The following PIGP variants were observed in gnomAD, a reference collection of about 807,000 sequenced individuals.
PIGP encodes the protein phosphatidylinositol N-acetylglucosaminyltransferase subunit P.
In PIGP, 12 loss-of-function variants were observed where a neutral mutation model predicts 16.9. The ratio of observed to expected loss-of-function variants is 0.71; its 90% confidence interval spans 0.46 to 1.15. The LOEUF (loss-of-function observed/expected upper bound fraction) is 1.15, where lower values mean the gene tolerates loss of function less well. Among genes scored for constraint, PIGP ranks in the 50% most tolerant of loss-of-function variants. The pLI, the probability that PIGP is intolerant of heterozygous loss-of-function variation, is 0.00. For missense variants in PIGP, 159 were observed against 153.5 expected (o/e 1.04, Z -0.19); for synonymous variants, 57 against 54.7 (o/e 1.04, Z -0.18).
intron 2 of PIGP, 132 bp from the exon 3 acceptor site, chr21:37,069,756 T>G (rs760612774): frequency 1.0e-4 from 58 of 554,306 alleles, no homozygotes; most frequent in Non-Finnish European, 1.5e-4. Flanking sequence ...AGAAATGATT[T>G]TTTCCTCCTT....
chr21:37,068,010 G>GTT (rs60120833), intron 3 of PIGP, among the ~76,000 whole-genome samples: 6,510 of 147,934 alleles, frequency 0.044, 366 homozygotes, highest in East Asian at 0.24. Flanking sequence ...TTCATTGAGT[G>GTT]TTTTTTTTTT....
At chr21:37,071,826 T>C (rs2070063646) in intron 2 of PIGP, among the ~76,000 whole-genome samples, 1 of 152,124 alleles carries the variant, frequency 6.6e-6, no homozygotes, top group African/African-American at 2.4e-5. Flanking sequence ...ATCTGTAAAA[T>C]GGAATGTTAT....
intron 2 of PIGP, among the ~76,000 whole-genome samples, chr21:37,071,233 G>A (rs772689708): frequency 6.6e-6 from 1 of 152,146 alleles, no homozygotes; most frequent in Non-Finnish European, 1.5e-5. Context: ...AATTACCCCC[G>A]TTAATCCTCA....
At chr21:37,071,286 T>C (rs944712710) in intron 2 of PIGP, among the ~76,000 whole-genome samples, 5 of 152,222 alleles carry the variant, frequency 3.3e-5, no homozygotes, top group African/African-American at 1.2e-4. Flanking sequence ...GCCAGTGTAT[T>C]TGGGTTCAAA....
intron 2 of PIGP, among the ~76,000 whole-genome samples, chr21:37,071,815 T>A (rs1201117114): frequency 6.6e-6 from 1 of 152,252 alleles, no homozygotes; most frequent in Admixed American, 6.5e-5. Context: ...TCAGTCTCCT[T>A]ATCTGTAAAA....
rs544514658 is a variant in PIGP at position 37,067,066 on chromosome 21, G to T, written c.274+196C>A. The stretch of plus-strand genomic sequence containing the variant: ...TTGTCACCCAAGCTGGAGTACAGTG[G>T]TGGGATCTTGGCTCACTGCAACCTC... On this transcript the variant is annotated intron_variant, in intron 4 of 4. Coordinates refer to ENST00000360525, the MANE Select transcript of PIGP (RefSeq NM_153682.3). Among the ~76,000 whole-genome samples, 328 of 151,626 alleles carry T rather than the reference G, an allele frequency of 2.2e-3. 2 individuals are homozygous for T. The highest frequency in any genetic ancestry group is 0.01 in the Middle Eastern group (3 of 294).
At chr21:37,067,856 G>T (rs913684842) in intron 3 of PIGP, among the ~76,000 whole-genome samples, 1 of 151,470 alleles carries the variant, frequency 6.6e-6, no homozygotes, top group African/African-American at 2.4e-5. Context: ...ATATTTTCTT[G>T]TACAACTTTT....
At position 37,065,531 on chromosome 21, in the gene PIGP, CA is replaced by C. The variant is rs1158333536; in HGVS notation, c.*50del. The C allele has an allele frequency of 6.4e-7, 1 of 1,565,036 alleles. No homozygotes were observed. The highest frequency in any genetic ancestry group is 8.6e-7 in the Non-Finnish European group (1 of 1,161,386). Reference sequence around the variant, plus strand: ...TAATTTATGGTCAAAATTATAATGGCAAAAACTTATAAATAAATACGTGCTT... The same window carrying C: ...TAATTTATGGTCAAAATTATAATGGCAAAACTTATAAATAAATACGTGCTT... On this transcript the variant is annotated 3_prime_UTR_variant, in exon 5 of 5. Transcript: ENST00000360525.
At chr21:37,071,973 C>T (rs373584899) in intron 2 of PIGP, among the ~76,000 whole-genome samples, 4 of 152,318 alleles carry the variant, frequency 2.6e-5, no homozygotes, top group Admixed American at 6.5e-5. Context: ...AACCCTCTCA[C>T]GCCCTCATTC....
chr21:37,072,862 A>G (rs897531457), intron 1 of PIGP, 138 bp downstream of exon 1: 21 of 435,260 alleles, frequency 4.8e-5, no homozygotes, highest in African/African-American at 3.6e-4. Context: ...ATGCGGGCCT[A>G]CTAGGTCGCG....
At chr21:37,070,801 T>G (rs941273404) in intron 2 of PIGP, among the ~76,000 whole-genome samples, 20 of 152,226 alleles carry the variant, frequency 1.3e-4, no homozygotes, top group Admixed American at 1.0e-3. Context: ...TTTCGCTCGT[T>G]GCCCAGGCTG....
rs900193463 is a variant in PIGP at position 37,065,498 on chromosome 21, G to A, written c.*84C>T. ...TTACTTCTCTATTAATAAGAGAGAT[G>A]GTCAAATTAATTTATGGTCAAAATT... On this transcript the variant is annotated 3_prime_UTR_variant, in exon 5 of 5. Coordinates refer to ENST00000360525, the MANE Select transcript of PIGP (RefSeq NM_153682.3). The A allele has an allele frequency of 8.0e-6, 11 of 1,377,328 alleles. No homozygotes were observed. The highest frequency in any genetic ancestry group is 1.5e-5 in the African/African-American group (1 of 67,918). 85.3% of individuals were successfully genotyped at this position (1,377,328 alleles called of 1,614,324 possible).
chr21:37,068,517 A>G (rs1382545939), intron 3 of PIGP, among the ~76,000 whole-genome samples: 1 of 151,506 alleles, frequency 6.6e-6, no homozygotes, highest in African/African-American at 2.4e-5. Flanking sequence ...CATTATCTCT[A>G]TTTCCTTCAA....
At chr21:37,069,645 A>T (rs1419861865) in intron 2 of PIGP, 21 bp from the exon 3 acceptor site, 1 of 1,501,892 alleles carries the variant, frequency 6.7e-7, no homozygotes, top group Non-Finnish European at 9.0e-7. Context: ...GAAAAAGAAA[A>T]AAAAGAGGAA....
intron 2 of PIGP, among the ~76,000 whole-genome samples, chr21:37,070,717 T>C (rs1360569962): frequency 2.0e-5 from 3 of 152,194 alleles, no homozygotes; most frequent in Non-Finnish European, 4.4e-5. Context: ...GCCTGGCACA[T>C]GGTAAGCACC....
intron 3 of PIGP, chr21:37,069,295 G>GTTTTTT: frequency 4.9e-6 from 1 of 205,312 alleles, no homozygotes; most frequent in Non-Finnish European, 9.6e-6. Context: ...TGTATCTTCA[G>GTTTTTT]TTTTTTTTTT....
intron 4 of PIGP, among the ~76,000 whole-genome samples, chr21:37,066,636 G>A (rs2069908124): frequency 6.6e-6 from 1 of 152,168 alleles, no homozygotes; most frequent in Non-Finnish European, 1.5e-5. Flanking sequence ...ATTGGAATAA[G>A]GAGTACACAA....
At chr21:37,068,992 G>A (rs1369322404) in intron 3 of PIGP, among the ~76,000 whole-genome samples, 1 of 152,166 alleles carries the variant, frequency 6.6e-6, no homozygotes, top group East Asian at 1.9e-4. Context: ...CCTGTTTTCT[G>A]CAGGGGAGGG....
At chr21:37,072,206 T>C in intron 2 of PIGP, 1 of 1,599,076 alleles carries the variant, frequency 6.3e-7, no homozygotes. Context: ...TTTATCCACT[T>C]TGCCATCGCG....
Sources: allele counts gnomAD v4.1 joint callset (sites outside exome capture counted in the v4.1 genomes callset), GRCh38; gene constraint gnomAD v4.1.1; transcripts MANE v1.5; gene names NCBI Gene and HGNC (gene_info 2026-07-23, HGNC 2026-07-21).